Variants in KRT12 observed in about 807,000 individuals in gnomAD.
The protein encoded by KRT12 is keratin, type I cytoskeletal 12.
KRT12 carries 43 observed loss-of-function variants against 50.2 expected under a neutral mutation model. The observed-to-expected ratio is 0.86, with a 90% CI of 0.67 to 1.11. The LOEUF is 1.11. KRT12 is among the 50% of genes least tolerant of loss of function. The probability of loss-of-function intolerance (pLI) is 0.00; values close to 1 mark genes in which losing one functional copy is unlikely to be tolerated. For missense variants in KRT12, 588 were observed against 625.6 expected (o/e 0.94, Z 0.64); for synonymous variants, 257 against 253.6 (o/e 1.01, Z -0.13).
rs150674571 is a variant in KRT12 at position 40,864,871 on chromosome 17, C to T, written c.742G>A (p.Asp248Asn). 4.0e-5 allele frequency: 65 copies of T among 1,614,222 alleles called. No homozygotes were observed. In the African/African-American group the frequency reaches 4.1e-4, roughly 10 times the overall value. The stretch of plus-strand genomic sequence containing the variant: ...AGGCTCTCGATCTGCATCTCCAGGT[C>T]GGTCCTGGTCAGGGTCAGCTCGTCC... ...VLDELTLTRT[D>N]LEMQIESLNE... The change falls in exon 3 of 8, where the codon GAC (aspartate) becomes AAC (asparagine). Residue 248 changes from aspartate (D) to asparagine (N), a missense_variant. Transcript: ENST00000251643.
chr17:40,866,716 A>G lies in KRT12; in HGVS notation c.471T>C (p.Ile157=), dbSNP rs1907039876. The G allele has an allele frequency of 6.2e-7, 1 of 1,614,016 alleles. No individual in the cohort carries two copies. The highest frequency in any genetic ancestry group is 1.3e-5 in the African/African-American group (1 of 74,916). The stretch of plus-strand genomic sequence containing the variant: ...TTCCTCGTGTTTCATACCATTCTCG[A>G]ATTTTATTTTCTAGCTCAGTATTAG... ...EEANTELENK[I]REWYETRGTG... is the part of the protein sequence containing the mutation. The change falls in exon 1 of 8, where the codon ATT becomes ATC. Residue 157 remains isoleucine (I), a synonymous_variant. Transcript: ENST00000251643.
At chr17:40,866,353 T>G (rs1020961114) in intron 1 of KRT12, 116 bp from the exon 2 acceptor site, 4 of 843,462 alleles carry the variant, frequency 4.7e-6, no homozygotes, top group Non-Finnish European at 3.9e-6. Context: ...TATTTAGAGT[T>G]TAAGACAGTT....
chr17:40,866,185 G>A lies in KRT12; in HGVS notation c.620C>T (p.Ala207Val), dbSNP rs978113022. 28 of 1,613,860 alleles carry A rather than the reference G, an allele frequency of 1.7e-5. No individual in the cohort carries two copies. Among genetic ancestry groups the A allele is most frequent in the South Asian group, 2.2e-5 (2 of 91,076 alleles). ...CCTGAAGTCCTCAGCAGCTAGTCTC[G>A]CATTGTCAATCTGCAAGAGGAGCTG... is the stretch of plus-strand genomic sequence containing the variant. ...NAQLLLQIDN[A>V]RLAAEDFRMK... is the part of the protein sequence containing the mutation. Residue 207 changes from alanine to valine, a missense_variant, in exon 2 of 8, where the codon GCG (alanine) becomes GTG (valine). Ala to Val is a moderately conservative substitution (Grantham distance 64). Coordinates refer to ENST00000251643, the MANE Select transcript of KRT12 (RefSeq NM_000223.4).
Position 40,864,891 on chromosome 17 carries a change from T to G in KRT12, c.722A>C (p.Glu241Ala). ...CAGGTCGGTCCTGGTCAGGGTCAGC[T>G]CGTCCAGCACCCGGCGCAGGCCATT... The part of the protein sequence containing the change: ...DINGLRRVLD[E>A]LTLTRTDLEM... The change falls in exon 3 of 8, where the codon GAG becomes GCG. Residue 241 changes from glutamate (E) to alanine (A), a missense_variant. Transcript: ENST00000251643. 1 of 1,614,250 alleles carries G rather than the reference T, an allele frequency of 6.2e-7. No homozygotes were observed. Among genetic ancestry groups the G allele is most frequent in the Non-Finnish European group, 8.5e-7 (1 of 1,180,042 alleles).
rs746417734 is a variant in KRT12, at chr17:40,866,846, G to T, written c.341C>A (p.Ser114Ter). 1.2e-6 allele frequency: 2 copies of T among 1,613,884 alleles called. No individual in the cohort carries two copies. Among genetic ancestry groups the T allele is most frequent in the African/African-American group, 1.3e-5 (1 of 74,868 alleles). ...AGAAAGAAGGCCTCCATCATTGCCC[G>T]AGAGAATACCTAGAGAGCCACCTCC... ...SPGGGSLGIL[S>*]GNDGGLLSGS... Residue 114 changes from serine to a stop codon, truncating the protein, a stop_gained, in exon 1 of 8, where the codon TCG becomes TAG. Coordinates refer to ENST00000251643, the MANE Select transcript of KRT12 (RefSeq NM_000223.4). LOFTEE classifies it high-confidence loss of function.
At position 40,863,178 on chromosome 17, in the gene KRT12, G is replaced by A. The variant is rs1279030895; in HGVS notation, c.1261C>T (p.Arg421Cys). ...TAGGTCTCAATCTCCAGCTCCAGGC[G>A]GGCCTTGACATTCAGCAGCCGCTGG... Reference protein sequence around the residue: ...DHQRLLNVKARLELEIETYRR... With the variant: ...DHQRLLNVKACLELEIETYRR... The change falls in exon 6 of 8, where the codon CGC (arginine) becomes TGC (cysteine). Residue 421 changes from arginine to cysteine, a missense_variant. Transcript: ENST00000251643. This position sits in a 1 kb window ranked among gnomAD's most constrained non-coding sequence, Gnocchi z 4.2. 6.2e-7 allele frequency: 1 copy of A among 1,614,026 alleles called. No homozygotes were observed. The highest frequency in any genetic ancestry group is 1.3e-5 in the African/African-American group (1 of 74,944).
In KRT12 at chr17:40,862,593, T is replaced by C. The variant is rs748100222; in HGVS notation, c.1359A>G (p.Ser453=). The C allele has an allele frequency of 1.2e-6, 2 of 1,613,492 alleles. No homozygotes were observed. Among genetic ancestry groups the C allele is most frequent in the Non-Finnish European group, 1.7e-6 (2 of 1,179,424 alleles). Residue 453 remains serine, a synonymous_variant, in exon 7 of 8, where the codon TCA becomes TCG. Transcript: ENST00000251643. ...TAGAGGAATCAGTTGACTGTGCTTGTGATTTGGAGTCTGTCACAAATAAAC... is the reference window on the plus strand; with the variant it reads ...TAGAGGAATCAGTTGACTGTGCTTGCGATTTGGAGTCTGTCACAAATAAAC... ...EESLFVTDSK[S]QAQSTDSSKD...
chr17:40,865,211 C>T (rs945168733), intron 2 of KRT12, among the ~76,000 whole-genome samples: 1 of 152,220 alleles, frequency 6.6e-6, no homozygotes, highest in African/African-American at 2.4e-5. Flanking sequence ...CGATGAATCC[C>T]AATACCACAG....
Position 40,863,838 on chromosome 17 carries a change from G to T in KRT12, c.834C>A (p.Gly278=), listed in dbSNP as rs540068320. The T allele has an allele frequency of 6.2e-7, 1 of 1,608,632 alleles. No homozygotes were observed. The highest frequency in any genetic ancestry group is 1.3e-5 in the African/African-American group (1 of 74,812). The change falls in exon 4 of 8, where the codon GGC becomes GGA. Residue 278 remains glycine, a synonymous_variant. Transcript: ENST00000251643. The surrounding 1 kb of genome is among the most constrained non-coding windows in gnomAD (Gnocchi z 4.2). ...EDELQSFRVG[G]PGEVSVEMDA... is the part of the protein sequence containing the mutation. ...CCATTTCTACGCTGACCTCGCCTGG[G>T]CCGCCCACCCGGAAGCTTTGGAGCT...
At chr17:40,861,834 G>C (rs1485763751) in intron 7 of KRT12, 76 bp from the exon 8 acceptor site, 6 of 945,130 alleles carry the variant, frequency 6.3e-6, no homozygotes, top group African/African-American at 1.6e-5. Context: ...TTTAATGTAG[G>C]CTTCTAAATT....
At chr17:40,866,268 G>A (rs780098931) in intron 1 of KRT12, 31 bp from the exon 2 acceptor site, 2 of 1,553,856 alleles carry the variant, frequency 1.3e-6, no homozygotes, top group Non-Finnish European at 1.8e-6. Context: ...ACACAAGATT[G>A]AAGCCCTAAA....
chr17:40,861,701 A>G lies in KRT12; in HGVS notation c.1445T>C (p.Val482Ala). ...TVVQEMVNGE[V>A]VSSQVQEIEE... ...AATTTCCTGAACTTGAGATGAGACCACCTCACCATTCACCATCTCCTGCAC... is the reference window on the plus strand; with the variant it reads ...AATTTCCTGAACTTGAGATGAGACCGCCTCACCATTCACCATCTCCTGCAC... Residue 482 changes from valine to alanine, a missense_variant, in exon 8 of 8, where the codon GTG (valine) becomes GCG (alanine). Val to Ala is a moderately conservative substitution (Grantham distance 64). Transcript: ENST00000251643. The G allele has an allele frequency of 1.2e-6, 2 of 1,613,862 alleles. No homozygotes were observed. The highest frequency in any genetic ancestry group is 1.7e-6 in the Non-Finnish European group (2 of 1,179,784).
In KRT12 at chr17:40,866,998, A is replaced by T. The variant is rs1597844328; in HGVS notation, c.189T>A (p.Phe63Leu). 6.3e-7 allele frequency: 1 copy of T among 1,596,512 alleles called. No individual in the cohort carries two copies. The highest frequency in any genetic ancestry group is 8.5e-7 in the Non-Finnish European group (1 of 1,171,974). Residue 63 changes from phenylalanine to leucine, a missense_variant, in exon 1 of 8, where the codon TTT becomes TTA. Coordinates refer to ENST00000251643, the MANE Select transcript of KRT12 (RefSeq NM_000223.4). ...CACCCCCAAAGCCGGAACTAGAACC[A>T]AACATGGAAGCAGCAGAAAAGCCTC... ...CGGGFSAASM[F>L]GSSSGFGGGS... is the part of the protein sequence containing the mutation.
Position 40,861,727 on chromosome 17 carries a change from A to C in KRT12, c.1419T>G (p.Val473=). ...DPTKTRKIKT[V]VQEMVNGEVV... is the part of the protein sequence containing the mutation. Reference sequence around the variant, plus strand: ...CCTCACCATTCACCATCTCCTGCACAACTGTCTTGATTTTTCGGGTTTTGG... The same window carrying C: ...CCTCACCATTCACCATCTCCTGCACCACTGTCTTGATTTTTCGGGTTTTGG... Residue 473 remains valine (V), a synonymous_variant, in exon 8 of 8, where the codon GTT becomes GTG. Transcript: ENST00000251643. The C allele has an allele frequency of 6.2e-7, 1 of 1,613,970 alleles. No homozygotes were observed. The highest frequency in any genetic ancestry group is 8.5e-7 in the Non-Finnish European group (1 of 1,179,838).
intron 3 of KRT12, among the ~76,000 whole-genome samples, chr17:40,864,370 A>G (rs1906929182): frequency 6.6e-6 from 1 of 152,136 alleles, no homozygotes; most frequent in South Asian, 2.1e-4. Flanking sequence ...AGCCTCCAAT[A>G]TGCACCATGG....
Position 40,861,438 on chromosome 17 carries a change from T to C in KRT12, c.*223A>G, listed in dbSNP as rs1307455681. ...ACTCCAGGTCCAGAAGGATATAAGG[T>C]AATTTTGATTTGTTACAAAGACCAA... On this transcript the variant is annotated 3_prime_UTR_variant, in exon 8 of 8. Transcript: ENST00000251643. 3 of 579,856 alleles carry C rather than the reference T, an allele frequency of 5.2e-6. No individual in the cohort carries two copies. The highest frequency in any genetic ancestry group is 9.2e-6 in the Non-Finnish European group (3 of 325,818). The allele number at this position is 579,856 out of a possible 1,614,324, so 35.9% of individuals were successfully genotyped here.
rs760840954 is a variant in KRT12, at chr17:40,864,853, C to T, written c.760G>A (p.Glu254Lys). Residue 254 changes from glutamate (E) to lysine (K), a missense_variant, in exon 3 of 8, where the codon GAG becomes AAG. Glu to Lys is a moderately conservative substitution (Grantham distance 56). Transcript: ENST00000251643. ...LTRTDLEMQIESLNEELAYMK... is the reference protein window; with the variant it reads ...LTRTDLEMQIKSLNEELAYMK... ...TAGGCCAGCTCCTCGTTCAGGCTCTCGATCTGCATCTCCAGGTCGGTCCTG... is the reference window on the plus strand; with the variant it reads ...TAGGCCAGCTCCTCGTTCAGGCTCTTGATCTGCATCTCCAGGTCGGTCCTG... The T allele has an allele frequency of 3.1e-6, 5 of 1,614,112 alleles. No individual in the cohort carries two copies. Among genetic ancestry groups the T allele is most frequent in the East Asian group, 2.2e-5 (1 of 44,900 alleles).
Position 40,863,215 on chromosome 17 carries a change from C to T in KRT12, c.1224G>A (p.Gln408=). The T allele has an allele frequency of 6.2e-7, 1 of 1,614,048 alleles. No individual in the cohort carries two copies. The highest frequency in any genetic ancestry group is 8.5e-7 in the Non-Finnish European group (1 of 1,180,040). The change falls in exon 6 of 8, where the codon CAG becomes CAA. Residue 408 remains glutamine (Q), a synonymous_variant. Transcript: ENST00000251643. This position sits in a 1 kb window ranked among gnomAD's most constrained non-coding sequence, Gnocchi z 4.2. ...TCAGCAGCCGCTGGTGGTCCACGTTCTGGCGCTCTGCGTCCGCGCGCACCT... is the reference window on the plus strand; with the variant it reads ...TCAGCAGCCGCTGGTGGTCCACGTTTTGGCGCTCTGCGTCCGCGCGCACCT... ...LLQVRADAER[Q]NVDHQRLLNV... is the part of the protein sequence containing the mutation.
Position 40,863,243 on chromosome 17 carries a change from A to G in KRT12, c.1196T>C (p.Leu399Pro). ...GCGCTCTGCGTCCGCGCGCACCTGG[A>G]GCAGCTGTGCCTCCAGGTTGCTGAT... ...QLISNLEAQL[L>P]QVRADAERQN... The change falls in exon 6 of 8, where the codon CTC (leucine) becomes CCC (proline). Residue 399 changes from leucine (L) to proline (P), a missense_variant. Coordinates refer to ENST00000251643, the MANE Select transcript of KRT12 (RefSeq NM_000223.4). The surrounding 1 kb of genome is among the most constrained non-coding windows in gnomAD (Gnocchi z 4.2). 6.2e-7 allele frequency: 1 copy of G among 1,613,968 alleles called. No individual in the cohort carries two copies. Among genetic ancestry groups the G allele is most frequent in the South Asian group, 1.1e-5 (1 of 91,076 alleles).
Sources: gnomAD v4.1 joint callset for allele counts (sites outside exome capture counted in the v4.1 genomes callset) on GRCh38, gnomAD v4.1.1 for gene constraint, Gnocchi (gnomAD v3.1) non-coding constraint, MANE v1.5 for transcripts, NCBI Gene and HGNC (gene_info 2026-07-23, HGNC 2026-07-21) for gene names.